Variants in GALNTL6 observed in about 807,000 individuals in gnomAD.
The protein encoded by GALNTL6 is polypeptide N-acetylgalactosaminyltransferase like 6.
GALNTL6 carries 46 observed loss-of-function variants against 73.7 expected under a neutral mutation model. The ratio of observed to expected loss-of-function variants is 0.62; its 90% confidence interval spans 0.49 to 0.80. GALNTL6 has a LOEUF of 0.80. Ranked by LOEUF, GALNTL6 falls within the 30% of genes least tolerant of loss-of-function variation. The pLI is 0.00. For synonymous variants in GALNTL6, 259 were observed against 263.7 expected, an observed-to-expected ratio of 0.98 and a Z score of 0.17; for missense variants, 604 against 755.0, an observed-to-expected ratio of 0.80 and a Z score of 2.34.
In GALNTL6 at chr4:172,103,210, A is replaced by G. The variant is rs536353752; in HGVS notation, c.139-126446A>G. 7.2e-5 allele frequency among the ~76,000 whole-genome samples: 11 copies of G among 152,268 alleles called. 1 individual carries two copies. The South Asian group carries it at 2.3e-3, about 32-fold the overall frequency. On this transcript the variant is annotated intron_variant, in intron 2 of 12. Coordinates refer to ENST00000506823, the MANE Select transcript of GALNTL6 (RefSeq NM_001034845.3). ...GAGACCTGCCAGGTAAATTCTTCAG[A>G]GTTGCTGATGACCAGGCCTGAAAAA... is the stretch of plus-strand genomic sequence containing the variant.
intron 2 of GALNTL6, among the ~76,000 whole-genome samples, chr4:172,214,593 C>A (rs1736438551): frequency 6.6e-6 from 1 of 150,418 alleles, no homozygotes; most frequent in Admixed American, 6.7e-5. Flanking sequence ...GGGCTCACTG[C>A]AACCTCTGCC....
intron 2 of GALNTL6, among the ~76,000 whole-genome samples, chr4:172,178,223 A>G (rs1407264458): frequency 6.6e-6 from 1 of 152,130 alleles, no homozygotes; most frequent in African/African-American, 2.4e-5. Flanking sequence ...AACTGTTTGA[A>G]CAGCGCCTGA....
intron 5 of GALNTL6, among the ~76,000 whole-genome samples, chr4:172,702,502 G>A (rs532573949): frequency 7.4e-5 from 11 of 149,150 alleles, no homozygotes; most frequent in Admixed American, 2.0e-4. Context: ...CCCCCACCCC[G>A]ACCCCCTCAA....
At chr4:172,349,114 C>A (rs1741853424) in intron 5 of GALNTL6, among the ~76,000 whole-genome samples, 1 of 152,070 alleles carries the variant, frequency 6.6e-6, no homozygotes, top group Non-Finnish European at 1.5e-5. Context: ...GCTTGTGTTA[C>A]TTCATAAATA....
At chr4:172,858,587 T>A (rs1320168602) in intron 7 of GALNTL6, among the ~76,000 whole-genome samples, 1 of 152,310 alleles carries the variant, frequency 6.6e-6, no homozygotes, top group African/African-American at 2.4e-5. Context: ...CTCAGCATTT[T>A]GGGAGGCCGA....
At chr4:172,414,272 G>T (rs1172114853) in intron 5 of GALNTL6, among the ~76,000 whole-genome samples, 1 of 152,026 alleles carries the variant, frequency 6.6e-6, no homozygotes, top group East Asian at 1.9e-4. Context: ...CAAAAATAAG[G>T]TGATGCTATC....
intron 5 of GALNTL6, among the ~76,000 whole-genome samples, chr4:172,692,034 A>AT (rs142366504): frequency 0.42 from 63,154 of 151,540 alleles, 15,746 homozygotes; most frequent in East Asian, 0.68. Flanking sequence ...AAAAAGCGGG[A>AT]TTTTTTTTAG....
chr4:172,052,440 G>C (rs1261847199), intron 2 of GALNTL6: 4 of 1,534,658 alleles, frequency 2.6e-6, no homozygotes, highest in Non-Finnish European at 3.5e-6. Flanking sequence ...CCATTCACCA[G>C]CCAGATGAGA....
intron 5 of GALNTL6, among the ~76,000 whole-genome samples, chr4:172,518,198 A>G (rs1293331738): frequency 6.6e-6 from 1 of 152,018 alleles, no homozygotes; most frequent in Non-Finnish European, 1.5e-5. Flanking sequence ...AATGATAAAT[A>G]GGAATTCTTG....
intron 5 of GALNTL6, among the ~76,000 whole-genome samples, chr4:172,364,884 C>G (rs1202162593): frequency 6.6e-6 from 1 of 152,040 alleles, no homozygotes; most frequent in African/African-American, 2.4e-5. Context: ...TTTTTTCTCC[C>G]CAAGCAATTT....
At chr4:172,931,577 A>T (rs1011374032) in intron 9 of GALNTL6, among the ~76,000 whole-genome samples, 1 of 152,200 alleles carries the variant, frequency 6.6e-6, no homozygotes, top group Non-Finnish European at 1.5e-5. Context: ...TCATGCTCAC[A>T]TGAATGCCAA....
chr4:172,542,539 C>T (rs138765640), intron 5 of GALNTL6, among the ~76,000 whole-genome samples: 3 of 152,264 alleles, frequency 2.0e-5, no homozygotes, highest in Non-Finnish European at 4.4e-5. Context: ...GACCGCCTGA[C>T]CACCATCTGA....
intron 5 of GALNTL6, among the ~76,000 whole-genome samples, chr4:172,639,739 G>A (rs891445827): frequency 1.3e-5 from 2 of 151,882 alleles, no homozygotes; most frequent in African/African-American, 4.8e-5. Flanking sequence ...ATCAGACTTT[G>A]AACCAGCTCC....
At chr4:172,709,923 C>A (rs1579374280) in intron 5 of GALNTL6, among the ~76,000 whole-genome samples, 1 of 151,620 alleles carries the variant, frequency 6.6e-6, no homozygotes, top group Non-Finnish European at 1.5e-5. Context: ...CATTGACAAG[C>A]AAAGCACTAA....
At chr4:172,656,621 T>C (rs1488110559) in intron 5 of GALNTL6, among the ~76,000 whole-genome samples, 1 of 152,198 alleles carries the variant, frequency 6.6e-6, no homozygotes, top group African/African-American at 2.4e-5. Context: ...AACACACATA[T>C]TTTACTGCTT....
At chr4:172,138,514 T>TA (rs397956593) in intron 2 of GALNTL6, among the ~76,000 whole-genome samples, 67 of 3,952 alleles carry the variant, frequency 0.017, no homozygotes, top group Non-Finnish European at 0.02. Context: ...TATATATATA[T>TA]TTTTTTTTTT....
intron 2 of GALNTL6, among the ~76,000 whole-genome samples, chr4:171,927,444 T>A (rs1334053437): frequency 6.6e-6 from 1 of 152,194 alleles, no homozygotes; most frequent in African/African-American, 2.4e-5. Flanking sequence ...TGTTTTTCAA[T>A]ATCATTTTAC....
intron 7 of GALNTL6, among the ~76,000 whole-genome samples, chr4:172,875,910 G>A (rs1163907104): frequency 6.6e-6 from 1 of 152,190 alleles, no homozygotes; most frequent in African/African-American, 2.4e-5. Context: ...TATTGTTGAT[G>A]TAGGCCTTTG....
At chr4:172,559,388 A>C (rs1736268983) in intron 5 of GALNTL6, among the ~76,000 whole-genome samples, 1 of 152,052 alleles carries the variant, frequency 6.6e-6, no homozygotes, top group South Asian at 2.1e-4. Context: ...AAGTCATAGA[A>C]TTTTATGGAT....
Sources: allele counts gnomAD v4.1 joint callset (sites outside exome capture counted in the v4.1 genomes callset), GRCh38; gene constraint gnomAD v4.1.1; transcripts MANE v1.5; gene names NCBI Gene and HGNC (gene_info 2026-07-23, HGNC 2026-07-21).